PLCG2: variants seen among roughly 807,000 people sequenced by gnomAD.
PLCG2 encodes the protein 1-phosphatidylinositol 4,5-bisphosphate phosphodiesterase gamma-2.
In PLCG2, 69 loss-of-function variants were observed where a neutral mutation model predicts 175.6. The observed-to-expected ratio is 0.39, with a 90% CI of 0.32 to 0.48. PLCG2 has a LOEUF of 0.48. Ranked by LOEUF, PLCG2 falls within the 20% of genes least tolerant of loss-of-function variation. The probability of loss-of-function intolerance (pLI) is 0.91; values close to 1 mark genes in which losing one functional copy is unlikely to be tolerated. For missense variants in PLCG2, 1,798 were observed against 1,650.9 expected (o/e 1.09, Z -1.54); for synonymous variants, 827 against 624.0 (o/e 1.33, Z -4.85).
At position 81,923,419 on chromosome 16, in the gene PLCG2, G is replaced by A. The variant is rs573381392; in HGVS notation, c.2308-66G>A. On this transcript the variant is annotated intron_variant, in intron 21 of 32. Coordinates refer to ENST00000564138, the MANE Select transcript of PLCG2 (RefSeq NM_002661.5). Reference sequence around the variant, plus strand: ...ATGAGAAGAACCAAATGGTACCTGGGAACGCAGCCGCCTCCCTCCCCTCCT... The same window carrying A: ...ATGAGAAGAACCAAATGGTACCTGGAAACGCAGCCGCCTCCCTCCCCTCCT... 1.5e-5 allele frequency: 14 copies of A among 934,418 alleles called. No individual in the cohort carries two copies. The South Asian group carries it at 1.6e-4, about 10-fold the overall frequency. 57.9% of individuals were successfully genotyped at this position (934,418 alleles called of 1,614,324 possible).
intron 19 of PLCG2, among the ~76,000 whole-genome samples, chr16:81,915,791 C>CT (rs1487328673): frequency 2.6e-5 from 4 of 152,046 alleles, no homozygotes; most frequent in African/African-American, 9.7e-5. Context: ...CCAGAGCCCC[C>CT]CTGCCTGCCC....
intron 9 of PLCG2, among the ~76,000 whole-genome samples, chr16:81,886,462 A>G (rs780460060): frequency 1.3e-5 from 2 of 152,214 alleles, no homozygotes; most frequent in Non-Finnish European, 2.9e-5. Flanking sequence ...AAGCTTTACA[A>G]CTCGATTCTA....
At chr16:81,956,071 C>G (rs555813507) in intron 31 of PLCG2, among the ~76,000 whole-genome samples, 6 of 152,308 alleles carry the variant, frequency 3.9e-5, no homozygotes, top group African/African-American at 1.4e-4. Flanking sequence ...CACTCCATCC[C>G]CCAGACCCCG....
chr16:81,949,639 T>C (rs1240793324), intron 31 of PLCG2, among the ~76,000 whole-genome samples: 3 of 152,132 alleles, frequency 2.0e-5, no homozygotes. Context: ...AACTTTTAGA[T>C]AGGGAGGTGA....
intron 8 of PLCG2, among the ~76,000 whole-genome samples, chr16:81,881,303 TGTTA>T (rs2143569478): frequency 6.6e-6 from 1 of 152,374 alleles, no homozygotes; most frequent in Non-Finnish European, 1.5e-5. Flanking sequence ...AAAAATTCCT[TGTTA>T]AACAGGTTTA....
chr16:81,925,938 T>C (rs955857830), intron 22 of PLCG2, among the ~76,000 whole-genome samples: 1 of 150,512 alleles, frequency 6.6e-6, no homozygotes, highest in Admixed American at 6.6e-5. Flanking sequence ...GGAAGACAGA[T>C]GTATAATTAT....
At chr16:81,843,239 C>T (rs1481964020) in intron 2 of PLCG2, among the ~76,000 whole-genome samples, 1 of 152,140 alleles carries the variant, frequency 6.6e-6, no homozygotes, top group Non-Finnish European at 1.5e-5. Context: ...GCAGACAAAG[C>T]CCTCCTTGAC....
chr16:81,787,746 C>T (rs144331328), intron 2 of PLCG2, among the ~76,000 whole-genome samples: 392 of 152,218 alleles, frequency 2.6e-3, no homozygotes, highest in African/African-American at 9.1e-3. Context: ...ATCCCCCCTA[C>T]CAGACGTAAG....
intron 1 of PLCG2, among the ~76,000 whole-genome samples, chr16:81,779,722 G>A (rs375897188): frequency 2.0e-5 from 3 of 152,226 alleles, no homozygotes; most frequent in East Asian, 3.9e-4. Context: ...GTCAGGGGTC[G>A]TGTGGGGGCT....
rs956575478 is a variant in PLCG2, at chr16:81,793,448, G to A, written c.193+7266G>A. On this transcript the variant is annotated intron_variant, in intron 2 of 32. Transcript: ENST00000564138. ...GGAGCCGATGTGGTGCCACCTGTTT[G>A]TGGGTCTGGAATTTTAGGGTCGGCT... 3.3e-5 allele frequency among the ~76,000 whole-genome samples: 5 copies of A among 152,324 alleles called. No individual in the cohort carries two copies. In the East Asian group the frequency reaches 7.7e-4, roughly 23 times the overall value.
intron 1 of PLCG2, among the ~76,000 whole-genome samples, chr16:81,784,954 T>C (rs1910904667): frequency 6.6e-6 from 1 of 152,138 alleles, no homozygotes; most frequent in Admixed American, 6.5e-5. Context: ...AGGGAGGGAC[T>C]AAGGGATTTT....
At chr16:81,753,600 G>T (rs1909859126) in intron 1 of PLCG2, among the ~76,000 whole-genome samples, 1 of 151,998 alleles carries the variant, frequency 6.6e-6, no homozygotes, top group African/African-American at 2.4e-5. Context: ...TGTATTTTCA[G>T]TAGAGAAGGG....
intron 2 of PLCG2, among the ~76,000 whole-genome samples, chr16:81,834,875 T>G (rs1345223560): frequency 6.6e-6 from 1 of 152,232 alleles, no homozygotes; most frequent in African/African-American, 2.4e-5. Flanking sequence ...TCTGGATTCC[T>G]CTTGGGTGGA....
chr16:81,805,214 A>T (rs960342199), intron 2 of PLCG2, among the ~76,000 whole-genome samples: 2 of 152,108 alleles, frequency 1.3e-5, no homozygotes, highest in Non-Finnish European at 2.9e-5. Context: ...ACTCAACAAT[A>T]AAAGGCCAGG....
chr16:81,788,711 C>G (rs889261320), intron 2 of PLCG2, among the ~76,000 whole-genome samples: 1 of 152,232 alleles, frequency 6.6e-6, no homozygotes, highest in African/African-American at 2.4e-5. Context: ...TGTGATCAAA[C>G]TGCTTTCTGA....
chr16:81,909,812 C>T (rs983524389), intron 17 of PLCG2, among the ~76,000 whole-genome samples: 1 of 152,146 alleles, frequency 6.6e-6, no homozygotes. Flanking sequence ...TGTGTGGTCT[C>T]GTTTACTCTT....
At chr16:81,744,879 T>A (rs1405308373) in intron 1 of PLCG2, among the ~76,000 whole-genome samples, 1 of 152,150 alleles carries the variant, frequency 6.6e-6, no homozygotes, top group Non-Finnish European at 1.5e-5. Flanking sequence ...GAATTGGAAT[T>A]TTTTAGGGCA....
At chr16:81,827,107 T>G (rs1288230724) in intron 2 of PLCG2, among the ~76,000 whole-genome samples, 1 of 152,026 alleles carries the variant, frequency 6.6e-6, no homozygotes, top group Non-Finnish European at 1.5e-5. Flanking sequence ...GACCTTGCGC[T>G]GAAATAAGAC....
chr16:81,762,380 C>G (rs1483995969), intron 2 of PLCG2, among the ~76,000 whole-genome samples: 1 of 151,720 alleles, frequency 6.6e-6, no homozygotes, highest in East Asian at 2.0e-4. Flanking sequence ...ACCAGCCTGG[C>G]CAACATGGGA....
Sources: allele counts gnomAD v4.1 joint callset (sites outside exome capture counted in the v4.1 genomes callset), GRCh38; gene constraint gnomAD v4.1.1; transcripts MANE v1.5; gene names NCBI Gene and HGNC (gene_info 2026-07-23, HGNC 2026-07-21).